SEC23A: variants seen among roughly 807,000 people sequenced by gnomAD.
The protein encoded by SEC23A is SEC23 homolog A, COPII component, also known as protein transport protein Sec23A.
A neutral mutation model predicts 103.7 loss-of-function variants in SEC23A; 56 were observed. That is an observed-to-expected ratio of 0.54 (90% CI 0.44 to 0.67). SEC23A has a LOEUF of 0.67. Among genes scored for constraint, SEC23A ranks in the 30% least tolerant of loss-of-function variants. The pLI is 0.00. For synonymous variants in SEC23A, 281 were observed against 293.0 expected, an observed-to-expected ratio of 0.96 and a Z score of 0.42; for missense variants, 784 against 936.4, an observed-to-expected ratio of 0.84 and a Z score of 2.12.
intron 15 of SEC23A, among the ~76,000 whole-genome samples, chr14:39,046,962 C>G (rs1885861010): frequency 6.6e-6 from 1 of 152,192 alleles, no homozygotes. Flanking sequence ...ATTCTGATTC[C>G]TATTCTGTTT....
At chr14:39,038,266 C>T (rs1022326187) in intron 19 of SEC23A, among the ~76,000 whole-genome samples, 3 of 152,060 alleles carry the variant, frequency 2.0e-5, no homozygotes, top group African/African-American at 7.2e-5. Flanking sequence ...GATTACACAC[C>T]CTCTTCCTGC....
intron 10 of SEC23A, among the ~76,000 whole-genome samples, chr14:39,065,305 C>A (rs979609751): frequency 3.9e-5 from 6 of 152,068 alleles, no homozygotes; most frequent in African/African-American, 1.4e-4. Context: ...ACCTTAGACA[C>A]CCTATTCTAT....
intron 4 of SEC23A, among the ~76,000 whole-genome samples, chr14:39,092,056 A>G (rs1451286138): frequency 6.6e-6 from 1 of 152,220 alleles, no homozygotes; most frequent in African/African-American, 2.4e-5. Flanking sequence ...AAATTACTGA[A>G]TGGTCCAAGT....
chr14:39,083,563 C>CTTTTTTTTTTT (rs71130810), intron 7 of SEC23A, among the ~76,000 whole-genome samples: 6,955 of 90,924 alleles, frequency 0.076, 1,486 homozygotes, highest in East Asian at 0.21. Flanking sequence ...AATAAACTTT[C>CTTTTTTTTTTT]TTTTTTTTTT....
At chr14:39,102,014 C>CA (rs1888114768) in intron 1 of SEC23A, among the ~76,000 whole-genome samples, 1 of 151,922 alleles carries the variant, frequency 6.6e-6, no homozygotes, top group Non-Finnish European at 1.5e-5. Context: ...GGCGGATCAC[C>CA]TGAGGTCAGG....
intron 15 of SEC23A, chr14:39,047,511 A>C (rs1885883123): frequency 3.1e-6 from 1 of 321,292 alleles, no homozygotes; most frequent in Non-Finnish European, 4.7e-6. Flanking sequence ...CAACAACAAC[A>C]AAAAAAAAAA....
intron 5 of SEC23A, 106 bp from the exon 6 acceptor site, chr14:39,087,114 TA>T (rs1566509481): frequency 1.4e-6 from 1 of 734,032 alleles, no homozygotes; most frequent in South Asian, 1.5e-5. Flanking sequence ...AACACAAAAA[TA>T]AAAAATACAA....
At position 39,061,867 on chromosome 14, in the gene SEC23A, T is replaced by C; in HGVS notation, c.1403A>G (p.Asn468Ser). Residue 468 changes from asparagine to serine, a missense_variant, in exon 13 of 20, where the codon AAT becomes AGT. Transcript: ENST00000307712. ...ACGCCCTCCTTGAGGAATTGGAGCA[T>C]TATGCTGTATAAATATAATGGAGTA... ...AIYFEVVNQH[N>S]APIPQGGRGA... 1.2e-6 allele frequency: 2 copies of C among 1,609,280 alleles called. No homozygotes were observed. The highest frequency in any genetic ancestry group is 1.7e-6 in the Non-Finnish European group (2 of 1,175,588).
intron 14 of SEC23A, among the ~76,000 whole-genome samples, chr14:39,050,742 C>T (rs1321370280): frequency 6.6e-6 from 1 of 151,906 alleles, no homozygotes; most frequent in Non-Finnish European, 1.5e-5. Context: ...CACTTGAGCC[C>T]AGGAGTTCAA....
At chr14:39,042,987 AT>A in intron 16 of SEC23A, 115 bp from the exon 17 acceptor site, 3 of 707,610 alleles carry the variant, frequency 4.2e-6, no homozygotes, top group East Asian at 3.0e-5. Context: ...TTATTTATTT[AT>A]TTTTTTGGAG....
intron 5 of SEC23A, chr14:39,091,112 T>A: frequency 2.6e-6 from 1 of 391,744 alleles, no homozygotes; most frequent in South Asian, 2.1e-5. Context: ...ACCTCTTTTA[T>A]AACATGTTCA....
At chr14:39,091,294 G>T (rs917290031) in intron 5 of SEC23A, 183 bp downstream of exon 5, 8 of 608,114 alleles carry the variant, frequency 1.3e-5, no homozygotes, top group Non-Finnish European at 2.3e-5. Context: ...TGTTTAATCT[G>T]TATAACAATT....
In SEC23A at chr14:39,094,237, T is replaced by C. The variant is rs1352779371; in HGVS notation, c.222-993A>G. Among the ~76,000 whole-genome samples the C allele has an allele frequency of 2.0e-5, 2 of 100,186 alleles. 1 individual carries two copies. The highest frequency in any genetic ancestry group is 4.6e-5 in the Non-Finnish European group (2 of 43,760). The allele number at this position is 100,186 out of a possible 152,430, so 65.7% of individuals were successfully genotyped here. On this transcript the variant is annotated intron_variant, in intron 2 of 19. Coordinates refer to ENST00000307712, the MANE Select transcript of SEC23A (RefSeq NM_006364.4). ...ATATATACACATACATATATATATA[T>C]GCATATATACACATATACATATATA...
intron 11 of SEC23A, chr14:39,064,632 A>G: frequency 2.5e-6 from 1 of 401,146 alleles, no homozygotes; most frequent in South Asian, 2.5e-5. Flanking sequence ...TACCAATGGG[A>G]GCTGAACTAC....
chr14:39,093,387 G>A (rs1199183606), intron 2 of SEC23A, 143 bp from the exon 3 acceptor site: 2 of 629,872 alleles, frequency 3.2e-6, no homozygotes, highest in Non-Finnish European at 5.5e-6. Flanking sequence ...AAGCCATGTA[G>A]TTTTAGATAC....
intron 7 of SEC23A, among the ~76,000 whole-genome samples, chr14:39,076,570 T>C (rs1887030409): frequency 6.6e-6 from 1 of 151,604 alleles, no homozygotes; most frequent in African/African-American, 2.4e-5. Flanking sequence ...ACCTGGCTCT[T>C]CTATTTTTTT....
At chr14:39,068,508 T>C (rs182194883) in intron 9 of SEC23A, among the ~76,000 whole-genome samples, 1 of 152,262 alleles carries the variant, frequency 6.6e-6, no homozygotes, top group East Asian at 1.9e-4. Flanking sequence ...GTGTTTGAAA[T>C]ACTGTATTTC....
rs12884455 is a variant in SEC23A, at chr14:39,094,331, T to C, written c.222-1087A>G. Among the ~76,000 whole-genome samples the C allele has an allele frequency of 1.1e-3, 46 of 41,606 alleles. 1 individual carries two copies. Among genetic ancestry groups the C allele is most frequent in the African/African-American group, 2.0e-3 (22 of 10,822 alleles). 27.3% of individuals were successfully genotyped at this position (41,606 alleles called of 152,430 possible). On this transcript the variant is annotated intron_variant, in intron 2 of 19. Coordinates refer to ENST00000307712, the MANE Select transcript of SEC23A (RefSeq NM_006364.4). ...ATACATATATATGCATATATACACA[T>C]ATACACATATATATGCATATATACA... is the stretch of plus-strand genomic sequence containing the variant.
intron 15 of SEC23A, 121 bp from the exon 16 acceptor site, chr14:39,045,445 A>C: frequency 1.5e-6 from 1 of 677,536 alleles, no homozygotes; most frequent in Non-Finnish European, 2.4e-6. Flanking sequence ...TATTATAAGA[A>C]TGTTCTAATT....
Sources: gnomAD v4.1 joint callset for allele counts (sites outside exome capture counted in the v4.1 genomes callset) on GRCh38, gnomAD v4.1.1 for gene constraint, MANE v1.5 for transcripts, NCBI Gene and HGNC (gene_info 2026-07-23, HGNC 2026-07-21) for gene names.